Variants in NTN1 observed in about 807,000 individuals in gnomAD.
NTN1 encodes netrin-1.
NTN1 carries 11 observed loss-of-function variants against 54.2 expected under a neutral mutation model. The observed-to-expected ratio is 0.20, with a 90% CI of 0.13 to 0.34. The LOEUF is 0.34. Ranked by LOEUF, NTN1 falls within the 10% of genes least tolerant of loss-of-function variation. The pLI, the probability that NTN1 is intolerant of heterozygous loss-of-function variation, is 1.00. For synonymous variants in NTN1, 371 were observed against 382.0 expected, an observed-to-expected ratio of 0.97 and a Z score of 0.33; for missense variants, 740 against 893.1, an observed-to-expected ratio of 0.83 and a Z score of 2.18.
At chr17:9,160,248 C>T (rs111658633) in intron 2 of NTN1, among the ~76,000 whole-genome samples, 12,489 of 152,028 alleles carry the variant, frequency 0.082, 611 homozygotes, top group African/African-American at 0.12. Context: ...GGATTACAGG[C>T]GCAAACCACC....
chr17:9,223,078 T>C (rs569728450), intron 6 of NTN1, among the ~76,000 whole-genome samples: 1 of 152,298 alleles, frequency 6.6e-6, no homozygotes, highest in East Asian at 1.9e-4. Flanking sequence ...TTCAAGGCCC[T>C]TCAGGGGTCT....
chr17:9,054,877 G>A (rs2091974107), intron 2 of NTN1, among the ~76,000 whole-genome samples: 1 of 152,146 alleles, frequency 6.6e-6, no homozygotes, highest in Non-Finnish European at 1.5e-5. Context: ...CGCAACAAAG[G>A]GGCAAAATGA....
At position 9,083,135 on chromosome 17, in the gene NTN1, G is replaced by C. The variant is rs115684252; in HGVS notation, c.1018+59744G>C. Among the ~76,000 whole-genome samples the C allele has an allele frequency of 6.4e-3, 970 of 151,858 alleles. 10 individuals carry two copies. Among genetic ancestry groups the C allele is most frequent in the African/African-American group, 0.022 (930 of 41,390 alleles). ...TTCTTCTGAGATCAAGTCTTGCTCT[G>C]TTGCCCAGGCTAGAGTGCAGTGGCT... On this transcript the variant is annotated intron_variant, in intron 2 of 6. Coordinates refer to ENST00000173229, the MANE Select transcript of NTN1 (RefSeq NM_004822.3).
chr17:9,208,444 G>A (rs1905023167), intron 5 of NTN1, among the ~76,000 whole-genome samples: 1 of 152,186 alleles, frequency 6.6e-6, no homozygotes, highest in Non-Finnish European at 1.5e-5. Context: ...TGAGCAGTCA[G>A]CGGTGACCTG....
chr17:9,124,062 C>T (rs2092238847), intron 2 of NTN1, among the ~76,000 whole-genome samples: 1 of 152,160 alleles, frequency 6.6e-6, no homozygotes, highest in Non-Finnish European at 1.5e-5. Flanking sequence ...TGTCCCCTGA[C>T]CCCAACCATC....
chr17:9,148,574 A>C (rs750620802), intron 2 of NTN1, among the ~76,000 whole-genome samples: 1 of 152,080 alleles, frequency 6.6e-6, no homozygotes, highest in African/African-American at 2.4e-5. Context: ...GTGCCATTCA[A>C]ATTTAACTGG....
rs553303172 is a variant in NTN1 at position 9,182,802 on chromosome 17, A to G, written c.1358-114A>G. 30 of 1,026,350 alleles carry G rather than the reference A, an allele frequency of 2.9e-5. No homozygotes were observed. The East Asian group carries it at 6.6e-4, about 23-fold the overall frequency. The allele number at this position is 1,026,350 out of a possible 1,614,324, so 63.6% of individuals were successfully genotyped here. A position where few individuals can be genotyped will look rare whatever the true frequency, so the allele number is the denominator to read the frequency against. On this transcript the variant is annotated intron_variant, in intron 4 of 6. Transcript: ENST00000173229. ...AGCCAAGGAGTGGGAAACGGAGGGG[A>G]GGGTCCCAGGAAGTTGGGAGGAGTC...
intron 2 of NTN1, among the ~76,000 whole-genome samples, chr17:9,118,106 C>G (rs974677604): frequency 3.3e-5 from 5 of 152,326 alleles, no homozygotes; most frequent in African/African-American, 9.6e-5. Context: ...TCAGTTTCGT[C>G]ACCTGTAAAA....
intron 2 of NTN1, among the ~76,000 whole-genome samples, chr17:9,053,096 C>T (rs929649207): frequency 6.6e-6 from 1 of 152,210 alleles, no homozygotes; most frequent in Admixed American, 6.5e-5. Context: ...CTGTCTGTTG[C>T]CTGTTTTTGT....
chr17:9,108,434 G>C (rs1369741016), intron 2 of NTN1, among the ~76,000 whole-genome samples: 1 of 152,202 alleles, frequency 6.6e-6, no homozygotes, highest in East Asian at 1.9e-4. Flanking sequence ...AGGCTACTGT[G>C]AGGAAGTCTG....
In NTN1 at chr17:9,095,110, A is replaced by T. The variant is rs114590906; in HGVS notation, c.1019-67703A>T. 7.7e-3 allele frequency among the ~76,000 whole-genome samples: 1,155 copies of T among 150,662 alleles called. 18 individuals are homozygous for T. The highest frequency in any genetic ancestry group is 0.027 in the African/African-American group (1,099 of 41,064). On this transcript the variant is annotated intron_variant, in intron 2 of 6. Transcript: ENST00000173229. ...TGTTCCTTTTTTTGGGGAATTGCTT[A>T]TTCAGGACCTTTGTGTATTTTTTCC...
upstream of NTN1, among the ~76,000 whole-genome samples, chr17:9,020,999 G>A (rs1002862806): frequency 6.6e-6 from 1 of 152,184 alleles, no homozygotes; most frequent in Non-Finnish European, 1.5e-5. Flanking sequence ...TCACGCTCCC[G>A]GGCTGCGTGC....
intron 5 of NTN1, among the ~76,000 whole-genome samples, chr17:9,202,184 T>C (rs1053691138): frequency 1.3e-5 from 2 of 150,796 alleles, no homozygotes; most frequent in Non-Finnish European, 2.9e-5. Flanking sequence ...GAGGTTGCAG[T>C]GATCTGAGAT....
rs547140901 is a variant in NTN1, at chr17:9,024,105, T to C, written c.1018+714T>C. 2.3e-3 allele frequency among the ~76,000 whole-genome samples: 353 copies of C among 152,310 alleles called. 2 individuals are homozygous for C. The highest frequency in any genetic ancestry group is 4.1e-3 in the Non-Finnish European group (282 of 68,012). On this transcript the variant is annotated intron_variant, in intron 2 of 6. Coordinates refer to ENST00000173229, the MANE Select transcript of NTN1 (RefSeq NM_004822.3). ...TTTTTTTATTAGCTTCAGGCTTTGG[T>C]GAAATTAAACAGTTTTGAATTAACT... is the stretch of plus-strand genomic sequence containing the variant.
intron 2 of NTN1, among the ~76,000 whole-genome samples, chr17:9,154,402 T>A (rs2092335915): frequency 6.6e-6 from 1 of 152,254 alleles, no homozygotes; most frequent in African/African-American, 2.4e-5. Flanking sequence ...AACCTAAGTC[T>A]GGGCTTGGAT....
chr17:9,210,419 TGC>T (rs1491209345), intron 5 of NTN1, among the ~76,000 whole-genome samples: 4 of 128,180 alleles, frequency 3.1e-5, no homozygotes, highest in Non-Finnish European at 6.5e-5. Flanking sequence ...CACATGTGCG[TGC>T]ACACACACAC....
chr17:9,081,890 C>G (rs539726126), intron 2 of NTN1, among the ~76,000 whole-genome samples: 1 of 152,178 alleles, frequency 6.6e-6, no homozygotes, highest in African/African-American at 2.4e-5. Flanking sequence ...AAGAGCACTT[C>G]CATTTGCCAA....
At chr17:9,106,569 A>G (rs1471154688) in intron 2 of NTN1, among the ~76,000 whole-genome samples, 1 of 149,952 alleles carries the variant, frequency 6.7e-6, no homozygotes, top group Non-Finnish European at 1.5e-5. Flanking sequence ...GCTGGAATGC[A>G]GTGGTGCACG....
chr17:9,065,121 G>C (rs1340494693), intron 2 of NTN1, among the ~76,000 whole-genome samples: 1 of 152,080 alleles, frequency 6.6e-6, no homozygotes, highest in Non-Finnish European at 1.5e-5. Flanking sequence ...ATTTTTAGTA[G>C]AGACAGTGTT....
Sources: allele counts gnomAD v4.1 joint callset (sites outside exome capture counted in the v4.1 genomes callset), GRCh38; gene constraint gnomAD v4.1.1; transcripts MANE v1.5; gene names NCBI Gene and HGNC (gene_info 2026-07-23, HGNC 2026-07-21).